The following LIG3 variants were observed in gnomAD, a reference collection of about 807,000 sequenced individuals.
The protein encoded by LIG3 is DNA ligase 3.
Under a neutral mutation model 110.9 loss-of-function variants are expected in LIG3, and 58 were observed. The observed-to-expected ratio is 0.52, with a 90% CI of 0.42 to 0.65. The LOEUF (loss-of-function observed/expected upper bound fraction) is 0.65, where lower values mean the gene tolerates loss of function less well. Among genes scored for constraint, LIG3 ranks in the 30% least tolerant of loss-of-function variants. The pLI is 0.00. For missense variants in LIG3, 1,094 were observed against 1,273.8 expected (o/e 0.86, Z 2.15); for synonymous variants, 422 against 472.8 (o/e 0.89, Z 1.39).
chr17:35,002,898 C>T (rs1181791255), intron 19 of LIG3, 109 bp downstream of exon 19: 2 of 1,593,940 alleles, frequency 1.3e-6, no homozygotes, highest in Non-Finnish European at 1.7e-6. Context: ...GTTTGGGGAA[C>T]ATCGGCTAAA....
intron 19 of LIG3, chr17:35,003,306 C>CTTT: frequency 3.8e-6 from 2 of 528,494 alleles, no homozygotes; most frequent in South Asian, 3.0e-5. Context: ...CTGAGCAATT[C>CTTT]TTTTTTTTTT....
chr17:35,004,266 T>C lies in LIG3; in HGVS notation c.2797-7T>C. Reference sequence around the variant, plus strand: ...CTGACCCCACCCTGACCCCTCTGCATTTGCAGGTATTGCTGGACATCTTCA... The same window carrying C: ...CTGACCCCACCCTGACCCCTCTGCACTTGCAGGTATTGCTGGACATCTTCA... On this transcript the variant is annotated splice_region_variant and splice_polypyrimidine_tract_variant and intron_variant, in intron 19 of 19. Coordinates refer to ENST00000378526, the MANE Select transcript of LIG3 (RefSeq NM_013975.4). 1.9e-6 allele frequency: 3 copies of C among 1,611,696 alleles called. No individual in the cohort carries two copies. Among genetic ancestry groups the C allele is most frequent in the Non-Finnish European group, 2.5e-6 (3 of 1,178,588 alleles).
chr17:34,995,996 C>A, intron 9 of LIG3, 68 bp from the exon 10 acceptor site: 1 of 1,564,970 alleles, frequency 6.4e-7, no homozygotes, highest in Non-Finnish European at 8.7e-7. Flanking sequence ...GGGCTTTGCC[C>A]TCCATGGCAT....
Position 35,002,701 on chromosome 17 carries a change from A to T in LIG3, c.2708A>T (p.Lys903Met), listed in dbSNP as rs747117016. The T allele has an allele frequency of 7.4e-6, 12 of 1,613,610 alleles. No homozygotes were observed. In the African/African-American group the frequency reaches 1.6e-4, roughly 22 times the overall value. Reference sequence around the variant, plus strand: ...CAGACTGCAAAGCCTTCCGCTATGAAGGTGGGGGAGAAGCTGGCCACAAAG... The same window carrying T: ...CAGACTGCAAAGCCTTCCGCTATGATGGTGGGGGAGAAGCTGGCCACAAAG... ...NMQTAKPSAM[K>M]VGEKLATKSS... The change falls in exon 19 of 20, where the codon AAG becomes ATG. Residue 903 changes from lysine (K) to methionine (M), a missense_variant. Transcript: ENST00000378526.
rs1472641647 is a variant in LIG3 at position 34,999,247 on chromosome 17, C to T, written c.2114-60C>T. The stretch of plus-strand genomic sequence containing the variant: ...CCAAGGTCCTCTCCCTGGCCCTGGG[C>T]TCTTGGGACTGGCAGAGATGGCTCC... On this transcript the variant is annotated intron_variant, in intron 14 of 19. Transcript: ENST00000378526. The T allele has an allele frequency of 1.9e-5, 29 of 1,561,152 alleles. No homozygotes were observed. The Admixed American group carries it at 2.6e-4, about 14-fold the overall frequency.
rs764983968 is a variant in LIG3 at position 34,983,295 on chromosome 17, A to T, written c.290A>T (p.Tyr97Phe). Residue 97 changes from tyrosine to phenylalanine, a missense_variant, in exon 2 of 20, where the codon TAT becomes TTT. Physicochemically the swap from Tyr to Phe is conservative, Grantham distance 22 (BLOSUM62 3). Transcript: ENST00000378526. ...GCTGAGCAACGGTTCTGTGTGGACTATGCCAAGCGTGGCACAGCTGGCTGC... is the reference window on the plus strand; with the variant it reads ...GCTGAGCAACGGTTCTGTGTGGACTTTGCCAAGCGTGGCACAGCTGGCTGC... Reference protein sequence around the residue: ...EMAEQRFCVDYAKRGTAGCKK... With the variant: ...EMAEQRFCVDFAKRGTAGCKK... 1 of 1,614,136 alleles carries T rather than the reference A, an allele frequency of 6.2e-7. No homozygotes were observed. Among genetic ancestry groups the T allele is most frequent in the East Asian group, 2.2e-5 (1 of 44,906 alleles).
chr17:34,998,802 C>G, intron 14 of LIG3, 75 bp downstream of exon 14: 1 of 1,515,698 alleles, frequency 6.6e-7, no homozygotes, highest in Non-Finnish European at 8.9e-7. Flanking sequence ...GGCCTTGTTA[C>G]TGGCTTGATC....
At position 35,008,742 on chromosome 17, in the gene LIG3, C is replaced by T. The variant is rs2090914926; in HGVS notation, c.*4236C>T. 6.6e-6 allele frequency: 1 copy of T among 152,192 alleles called. No individual in the cohort carries two copies. The allele number at this position is 152,192 out of a possible 1,614,324, so 9.4% of individuals were successfully genotyped here. ...CGCCTCCCGGGTTCACACCATTCTC[C>T]TGCCTCAGCCTCCCGAGTAGCTGGG... On this transcript the variant is annotated 3_prime_UTR_variant, in exon 20 of 20. Transcript: ENST00000378526.
chr17:34,987,728 G>C (rs539453695), intron 3 of LIG3, among the ~76,000 whole-genome samples: 1 of 152,268 alleles, frequency 6.6e-6, no homozygotes, highest in South Asian at 2.1e-4. Flanking sequence ...GGTGCTATAG[G>C]AGCACAGGCA....
intron 11 of LIG3, 26 bp downstream of exon 11, chr17:34,996,679 C>T: frequency 6.4e-7 from 1 of 1,562,028 alleles, no homozygotes; most frequent in Non-Finnish European, 8.8e-7. Context: ...TCTTTAAACC[C>T]AGAAACTGCC....
At chr17:35,003,534 C>G (rs940219378) in intron 19 of LIG3, 1 of 169,058 alleles carries the variant, frequency 5.9e-6, no homozygotes, top group Non-Finnish European at 1.3e-5. Flanking sequence ...AGGCTGGTCC[C>G]AAAGTCCTGA....
rs971120937 is a variant in LIG3 at position 35,009,685 on chromosome 17, C to A, written c.*5179C>A. 1.3e-5 allele frequency: 2 copies of A among 151,998 alleles called. No homozygotes were observed. The highest frequency in any genetic ancestry group is 4.8e-5 in the African/African-American group (2 of 41,366). The allele number at this position is 151,998 out of a possible 1,614,324, so 9.4% of individuals were successfully genotyped here. ...ATTTAAAGGCAAAATGAGTAAACAA[C>A]CTCAGTTTTAATTCTTACTGAGGTT... On this transcript the variant is annotated 3_prime_UTR_variant, in exon 20 of 20. Coordinates refer to ENST00000378526, the MANE Select transcript of LIG3 (RefSeq NM_013975.4).
At position 34,983,718 on chromosome 17, in the gene LIG3, C is replaced by T. The variant is rs530512242; in HGVS notation, c.547+166C>T. 2.5e-4 allele frequency among the ~76,000 whole-genome samples: 38 copies of T among 152,306 alleles called. No homozygotes were observed. In the South Asian group the frequency reaches 7.9e-3, roughly 32 times the overall value. ...ATGTTGCATTCGTAGCTCACTGCAG[C>T]TTTGCACTGCTGGACTCAGGTCATC... On this transcript the variant is annotated intron_variant, in intron 2 of 19. Transcript: ENST00000378526.
chr17:35,006,550 G>A lies in LIG3; in HGVS notation c.*2044G>A, dbSNP rs2090896574. On this transcript the variant is annotated 3_prime_UTR_variant, in exon 20 of 20. Coordinates refer to ENST00000378526, the MANE Select transcript of LIG3 (RefSeq NM_013975.4). Reference sequence around the variant, plus strand: ...CCTAGCACATAGTTATCTAGAGTTGGGAACGTCACTCCTGGTGTGCATGTC... The same window carrying A: ...CCTAGCACATAGTTATCTAGAGTTGAGAACGTCACTCCTGGTGTGCATGTC... The A allele has an allele frequency of 6.6e-6, 1 of 152,180 alleles. No homozygotes were observed. The highest frequency in any genetic ancestry group is 2.1e-4 in the South Asian group (1 of 4,828). The allele number at this position is 152,180 out of a possible 1,614,324, so 9.4% of individuals were successfully genotyped here.
intron 10 of LIG3, 115 bp downstream of exon 10, chr17:34,996,310 T>G: frequency 4.0e-6 from 5 of 1,258,774 alleles, no homozygotes; most frequent in South Asian, 2.9e-5. Context: ...GCCCTTATTC[T>G]TCGCTTCTGA....
At chr17:34,981,545 A>C (rs1402093108) in intron 1 of LIG3, 2 of 152,186 alleles carry the variant, frequency 1.3e-5, no homozygotes, top group South Asian at 2.1e-4. Context: ...AATTTTCCCA[A>C]CTACCCTGTG....
chr17:35,003,302 A>T, intron 19 of LIG3: 1 of 702,858 alleles, frequency 1.4e-6, no homozygotes, highest in Non-Finnish European at 2.2e-6. Context: ...TCTCCTGAGC[A>T]ATTCTTTTTT....
chr17:35,003,893 T>C, intron 19 of LIG3: 1 of 197,464 alleles, frequency 5.1e-6, no homozygotes, highest in Non-Finnish European at 1.0e-5. Flanking sequence ...TCCTGACCCC[T>C]CAGTCTAGCA....
rs2090877338 is a variant in LIG3 at position 35,004,328 on chromosome 17, A to G, written c.2852A>G (p.Asp951Gly). The stretch of plus-strand genomic sequence containing the variant: ...CTTTACTTGCCACCCTCCACACCAG[A>G]CTTCAGCCGTCTCAGACGCTACTTT... Reference protein sequence around the residue: ...VRLYLPPSTPDFSRLRRYFVA... With the variant: ...VRLYLPPSTPGFSRLRRYFVA... The change falls in exon 20 of 20, where the codon GAC becomes GGC. Residue 951 changes from aspartate (D) to glycine (G), a missense_variant. Coordinates refer to ENST00000378526, the MANE Select transcript of LIG3 (RefSeq NM_013975.4). The G allele has an allele frequency of 1.2e-6, 2 of 1,613,990 alleles. No homozygotes were observed. The highest frequency in any genetic ancestry group is 1.6e-4 in the Middle Eastern group (1 of 6,084).
Sources: gnomAD v4.1 joint callset for allele counts (sites outside exome capture counted in the v4.1 genomes callset) on GRCh38, gnomAD v4.1.1 for gene constraint, MANE v1.5 for transcripts, NCBI Gene and HGNC (gene_info 2026-07-23, HGNC 2026-07-21) for gene names.